Variants in HSD17B6 observed in about 807,000 individuals in gnomAD.
The protein encoded by HSD17B6 is hydroxysteroid 17-beta dehydrogenase 6, also known as 17-beta-hydroxysteroid dehydrogenase type 6.
Under a neutral mutation model 26.4 loss-of-function variants are expected in HSD17B6, and 16 were observed. The ratio of observed to expected loss-of-function variants is 0.61; its 90% CI spans 0.41 to 0.92. The LOEUF is 0.92. HSD17B6 is among the 40% of genes least tolerant of loss of function. HSD17B6 has a pLI of 0.00. For synonymous variants in HSD17B6, 139 were observed against 153.0 expected (o/e 0.91, Z 0.68); for missense variants, 357 against 386.1 (o/e 0.92, Z 0.63).
chr12:56,782,151 G>C lies in HSD17B6; in HGVS notation c.491G>C (p.Ser164Thr). The C allele has an allele frequency of 6.2e-7, 1 of 1,614,180 alleles. No individual in the cohort carries two copies. The highest frequency in any genetic ancestry group is 1.7e-5 in the Admixed American group (1 of 60,016). ...RARGRIVNVS[S>T]ILGRVAFFVG... Reference sequence around the variant, plus strand: ...CGGGGAAGAATTGTCAATGTCTCCAGCATTCTGGGAAGAGTTGCTTTCTTT... The same window carrying C: ...CGGGGAAGAATTGTCAATGTCTCCACCATTCTGGGAAGAGTTGCTTTCTTT... Residue 164 changes from serine (S) to threonine (T), a missense_variant, in exon 3 of 5, where the codon AGC becomes ACC. Physicochemically the swap from Ser to Thr is moderately conservative, Grantham distance 58 (BLOSUM62 1). Transcript: ENST00000322165.
intron 1 of HSD17B6, among the ~76,000 whole-genome samples, chr12:56,766,697 G>A (rs555641687): frequency 4.5e-4 from 69 of 152,320 alleles, no homozygotes; most frequent in African/African-American, 1.6e-3. Flanking sequence ...GTGGATGAGA[G>A]GGGAAGTGAG....
intron 3 of HSD17B6, 99 bp from the exon 4 acceptor site, chr12:56,784,753 CA>C: frequency 8.4e-7 from 1 of 1,191,320 alleles, no homozygotes; most frequent in Non-Finnish European, 1.2e-6. Flanking sequence ...TTAAAATATT[CA>C]GTAAAGGTAT....
In HSD17B6 at chr12:56,784,951, A is replaced by G. The variant is rs1287847471; in HGVS notation, c.671A>G (p.Lys224Arg). 4 of 1,614,008 alleles carry G rather than the reference A, an allele frequency of 2.5e-6. No homozygotes were observed. Among genetic ancestry groups the G allele is most frequent in the Non-Finnish European group, 3.4e-6 (4 of 1,180,016 alleles). The change falls in exon 4 of 5, where the codon AAG becomes AGG. Residue 224 changes from lysine (K) to arginine (R), a missense_variant. Physicochemically the swap from Lys to Arg is conservative, Grantham distance 26. Coordinates refer to ENST00000322165, the MANE Select transcript of HSD17B6 (RefSeq NM_003725.4). ...ATGACACAGTCCTTAGAGCGAATGA[A>G]GCAAAGTTGGAAAGAAGCCCCCAAG... ...TNMTQSLERM[K>R]QSWKEAPKHI... is the part of the protein sequence containing the mutation.
intron 3 of HSD17B6, 133 bp from the exon 4 acceptor site, chr12:56,784,720 G>A (rs1954837355): frequency 2.2e-6 from 2 of 892,694 alleles, no homozygotes; most frequent in African/African-American, 1.7e-5. Context: ...AGAGGGAGAG[G>A]GAGAGGGAGA....
chr12:56,765,785 G>A (rs1041143786), intron 1 of HSD17B6, among the ~76,000 whole-genome samples: 1 of 152,118 alleles, frequency 6.6e-6, no homozygotes, highest in Non-Finnish European at 1.5e-5. Flanking sequence ...GGGATTACAA[G>A]TGTGAGCCAC....
chr12:56,783,260 C>A (rs572249992), intron 3 of HSD17B6, among the ~76,000 whole-genome samples: 59 of 149,934 alleles, frequency 3.9e-4, no homozygotes, highest in Non-Finnish European at 5.2e-4. Flanking sequence ...GGTGGCCGGG[C>A]GGGGGGCTGA....
chr12:56,770,566 A>AT (rs1288591027), intron 1 of HSD17B6: 2 of 151,614 alleles, frequency 1.3e-5, no homozygotes, highest in Non-Finnish European at 2.9e-5. Flanking sequence ...TTTTCTCTCA[A>AT]TTTTTTATCA....
intron 4 of HSD17B6, chr12:56,785,885 A>G (rs1346383667): frequency 6.0e-5 from 55 of 910,796 alleles, no homozygotes; most frequent in Non-Finnish European, 7.2e-5. Flanking sequence ...CCCTGAGGCT[A>G]TATTTCTCTT....
At chr12:56,776,331 A>T (rs1954593106) in intron 2 of HSD17B6, among the ~76,000 whole-genome samples, 2 of 112,966 alleles carry the variant, frequency 1.8e-5, no homozygotes, top group African/African-American at 7.5e-5. Flanking sequence ...TTGAGACAGG[A>T]TCTTGCTCTG....
At chr12:56,777,798 G>T (rs1954625657) in intron 2 of HSD17B6, among the ~76,000 whole-genome samples, 1 of 152,094 alleles carries the variant, frequency 6.6e-6, no homozygotes, top group South Asian at 2.1e-4. Context: ...GGGGTGGGAG[G>T]ATTGCTTGAG....
At position 56,773,881 on chromosome 12, in the gene HSD17B6, G is replaced by T. The variant is rs1954530916; in HGVS notation, c.29G>T (p.Gly10Val). The T allele has an allele frequency of 1.3e-6, 2 of 1,592,944 alleles. No individual in the cohort carries two copies. Among genetic ancestry groups the T allele is most frequent in the Non-Finnish European group, 1.7e-6 (2 of 1,166,310 alleles). ...TGGCTCTACCTGGCGGCCTTCGTGG[G>T]CCTGTACTACCTTCTGCACTGGTAC... is the stretch of plus-strand genomic sequence containing the variant. MWLYLAAFV[G>V]LYYLLHWYRE... The change falls in exon 2 of 5, where the codon GGC becomes GTC. Residue 10 changes from glycine (G) to valine (V), a missense_variant. Transcript: ENST00000322165.
intron 2 of HSD17B6, among the ~76,000 whole-genome samples, chr12:56,778,197 G>A (rs1471650790): frequency 6.6e-6 from 1 of 152,088 alleles, no homozygotes; most frequent in Non-Finnish European, 1.5e-5. Context: ...ACTACTTGCC[G>A]CATTTCTCCA....
chr12:56,781,366 A>G (rs551363999), intron 2 of HSD17B6, among the ~76,000 whole-genome samples: 51 of 152,198 alleles, frequency 3.4e-4, no homozygotes, highest in South Asian at 2.1e-3. Context: ...CACTATGTCT[A>G]TCTACTATTA....
At chr12:56,777,075 A>G (rs1954608430) in intron 2 of HSD17B6, among the ~76,000 whole-genome samples, 1 of 152,146 alleles carries the variant, frequency 6.6e-6, no homozygotes, top group African/African-American at 2.4e-5. Flanking sequence ...AGGAGTTGCA[A>G]AGTAGCAATG....
chr12:56,786,722 G>C (rs776134686), intron 4 of HSD17B6, among the ~76,000 whole-genome samples: 1 of 152,126 alleles, frequency 6.6e-6, no homozygotes, highest in South Asian at 2.1e-4. Context: ...ATGGGGATGC[G>C]AACCTGTAGT....
At chr12:56,780,518 G>A (rs1954690477) in intron 2 of HSD17B6, among the ~76,000 whole-genome samples, 1 of 152,034 alleles carries the variant, frequency 6.6e-6, no homozygotes. Flanking sequence ...CATTCCACAA[G>A]TTACTTCCTC....
chr12:56,774,665 C>T (rs1208940965), intron 2 of HSD17B6, among the ~76,000 whole-genome samples: 2 of 152,184 alleles, frequency 1.3e-5, no homozygotes, highest in Non-Finnish European at 2.9e-5. Context: ...TACATGGTCC[C>T]ATCTGGGGGT....
intron 2 of HSD17B6, among the ~76,000 whole-genome samples, chr12:56,781,472 GTATTT>G (rs147602630): frequency 0.014 from 2,169 of 152,204 alleles, 54 homozygotes; most frequent in African/African-American, 0.049. Flanking sequence ...CAATTTTATA[GTATTT>G]TAATGAATAT....
chr12:56,769,855 G>T (rs574638831), intron 1 of HSD17B6, among the ~76,000 whole-genome samples: 1 of 144,928 alleles, frequency 6.9e-6, no homozygotes, highest in East Asian at 2.1e-4. Flanking sequence ...TTGGGATTCC[G>T]CCAGGTGTAT....
Sources: allele counts gnomAD v4.1 joint callset (sites outside exome capture counted in the v4.1 genomes callset), GRCh38; gene constraint gnomAD v4.1.1; transcripts MANE v1.5; gene names NCBI Gene and HGNC (gene_info 2026-07-23, HGNC 2026-07-21).